Variants in KSR2 observed in about 807,000 individuals in gnomAD.
The protein encoded by KSR2 is kinase suppressor of ras 2.
In KSR2, 25 loss-of-function variants were observed where a neutral mutation model predicts 107.8. That is an observed-to-expected ratio of 0.23 (90% CI 0.17 to 0.32). The LOEUF is 0.32. Among genes scored for constraint, KSR2 ranks in the 10% least tolerant of loss-of-function variants. The pLI is 1.00. For synonymous variants in KSR2, 480 were observed against 507.0 expected (o/e 0.95, Z 0.71); for missense variants, 887 against 1,268.9 (o/e 0.70, Z 4.57).
rs1555262347 is a variant in KSR2 at position 117,968,308 on chromosome 12, G to GGGC, written c.-54_-53insGCC. On this transcript the variant is annotated 5_prime_UTR_variant, in exon 1 of 20. Transcript: ENST00000339824. ...CTCCTCCTCCCAGAGAGAAAAAAGA[G>GGGC]GGGGGGGAGTAGAGGTAGTCTACCC... 7 of 1,453,220 alleles carry GGGC rather than the reference G, an allele frequency of 4.8e-6. No homozygotes were observed. Among genetic ancestry groups the GGGC allele is most frequent in the African/African-American group, 2.9e-5 (2 of 69,188 alleles). The allele number at this position is 1,453,220 out of a possible 1,614,324, so 90.0% of individuals were successfully genotyped here. A position where few individuals can be genotyped will look rare whatever the true frequency, so the allele number is the denominator to read the frequency against.
intron 1 of KSR2, among the ~76,000 whole-genome samples, chr12:117,892,291 C>A (rs1894370974): frequency 6.6e-6 from 1 of 152,172 alleles, no homozygotes; most frequent in Non-Finnish European, 1.5e-5. Flanking sequence ...GCAACAAGAG[C>A]AAGACTCTGT....
chr12:117,810,668 C>T (rs929824655), intron 3 of KSR2, among the ~76,000 whole-genome samples: 1 of 152,120 alleles, frequency 6.6e-6, no homozygotes, highest in Non-Finnish European at 1.5e-5. Flanking sequence ...ATTTCTTAGC[C>T]CTCATCCTAA....
intron 4 of KSR2, among the ~76,000 whole-genome samples, chr12:117,760,132 T>A (rs1888944436): frequency 6.6e-6 from 1 of 152,212 alleles, no homozygotes; most frequent in Non-Finnish European, 1.5e-5. Flanking sequence ...TCTTCCTTTT[T>A]AAGCCTGAAT....
At chr12:117,729,943 A>G (rs1157821823) in intron 4 of KSR2, among the ~76,000 whole-genome samples, 1 of 152,186 alleles carries the variant, frequency 6.6e-6, no homozygotes, top group Non-Finnish European at 1.5e-5. Context: ...TCTGGGTCCA[A>G]GGAACCTAGG....
chr12:117,505,127 C>A (rs1873599806), intron 14 of KSR2, among the ~76,000 whole-genome samples: 1 of 152,116 alleles, frequency 6.6e-6, no homozygotes, highest in Non-Finnish European at 1.5e-5. Context: ...TGTATATATA[C>A]CACATTTTCT....
In KSR2 at chr12:117,637,678, T is replaced by TTTTTTTTTG. The variant is rs1883170311; in HGVS notation, c.1171+29795_1171+29796insCAAAAAAAA. Among the ~76,000 whole-genome samples, 4 of 82,136 alleles carry TTTTTTTTTG rather than the reference T, an allele frequency of 4.9e-5. 1 individual carries two copies. Among genetic ancestry groups the TTTTTTTTTG allele is most frequent in the African/African-American group, 2.2e-4 (4 of 18,150 alleles). The allele number at this position is 82,136 out of a possible 152,430, so 53.9% of individuals were successfully genotyped here. ...GGGACCCAGCAGTCAGTTTTGGGTTTTTTTTTTTTTTTTTTTTTTTTGAGA... is the reference window on the plus strand; with the variant it reads ...GGGACCCAGCAGTCAGTTTTGGGTTTTTTTTTTTGTTTTTTTTTTTTTTTTTTTTTGAGA... On this transcript the variant is annotated intron_variant, in intron 5 of 19. Coordinates refer to ENST00000339824, the MANE Select transcript of KSR2 (RefSeq NM_173598.6).
At chr12:117,587,581 C>T (rs548301503) in intron 5 of KSR2, among the ~76,000 whole-genome samples, 5 of 152,192 alleles carry the variant, frequency 3.3e-5, no homozygotes, top group South Asian at 4.1e-4. Context: ...TGTTTTCAGC[C>T]GCTGAGTTGG....
At chr12:117,615,989 C>A (rs1471333410) in intron 5 of KSR2, among the ~76,000 whole-genome samples, 4 of 151,804 alleles carry the variant, frequency 2.6e-5, no homozygotes, top group African/African-American at 9.7e-5. Flanking sequence ...CCCACCACTA[C>A]AAAAAAACAC....
intron 1 of KSR2, among the ~76,000 whole-genome samples, chr12:117,921,801 C>A (rs1895355687): frequency 6.6e-6 from 1 of 152,138 alleles, no homozygotes; most frequent in Non-Finnish European, 1.5e-5. Context: ...GGCTCACGTA[C>A]CCCTTTTCCA....
intron 1 of KSR2, among the ~76,000 whole-genome samples, chr12:117,869,189 T>C (rs1030159358): frequency 9.9e-5 from 15 of 151,992 alleles, no homozygotes; most frequent in Admixed American, 2.6e-4. Context: ...CTGACCAACA[T>C]GGTGAAATCC....
intron 5 of KSR2, among the ~76,000 whole-genome samples, chr12:117,590,524 C>A (rs183594976): frequency 6.6e-6 from 1 of 152,182 alleles, no homozygotes; most frequent in Non-Finnish European, 1.5e-5. Flanking sequence ...TGGAACAGTG[C>A]TCTGCCAAGT....
At chr12:117,753,889 A>G (rs765744207) in intron 4 of KSR2, among the ~76,000 whole-genome samples, 2 of 151,724 alleles carry the variant, frequency 1.3e-5, no homozygotes, top group East Asian at 1.9e-4. Context: ...TCACATTTCC[A>G]AAGTTGTTTC....
intron 4 of KSR2, among the ~76,000 whole-genome samples, chr12:117,712,487 C>T (rs1473881516): frequency 6.6e-6 from 1 of 152,168 alleles, no homozygotes. Context: ...TGCCCAGATG[C>T]CCACCCAGCA....
chr12:117,868,849 C>G (rs2038078342), intron 1 of KSR2, among the ~76,000 whole-genome samples: 2 of 151,942 alleles, frequency 1.3e-5, no homozygotes, highest in Non-Finnish European at 2.9e-5. Context: ...CTCCAAGGTT[C>G]AAGCGAGTCT....
intron 3 of KSR2, among the ~76,000 whole-genome samples, chr12:117,830,753 G>C (rs912088832): frequency 5.9e-5 from 9 of 152,136 alleles, no homozygotes; most frequent in African/African-American, 1.9e-4. Context: ...AAAGACAGCT[G>C]CAACTTTGAC....
rs186946374 is a variant in KSR2 at position 117,808,748 on chromosome 12, A to G, written c.472+46680T>C. Among the ~76,000 whole-genome samples the G allele has an allele frequency of 1.6e-3, 241 of 152,154 alleles. 1 individual carries two copies. Among genetic ancestry groups the G allele is most frequent in the African/African-American group, 5.4e-3 (226 of 41,522 alleles). ...TGGTGAATTCGTTGCCATCCTTCCA[A>G]TGAAACCTGCTCATTCCCACTCTGG... On this transcript the variant is annotated intron_variant, in intron 3 of 19. Coordinates refer to ENST00000339824, the MANE Select transcript of KSR2 (RefSeq NM_173598.6).
At position 117,520,478 on chromosome 12, in the gene KSR2, C is replaced by T. The variant is rs138698500; in HGVS notation, c.2219+4374G>A. 6.8e-3 allele frequency among the ~76,000 whole-genome samples: 1,041 copies of T among 152,244 alleles called. 7 individuals carry two copies. The highest frequency in any genetic ancestry group is 0.014 in the Middle Eastern group (4 of 294). On this transcript the variant is annotated intron_variant, in intron 14 of 19. Transcript: ENST00000339824. ...CCTTACCCACTGTCAGAACAGCAAC[C>T]CTAATATGGTGATCTTCATAACACA...
intron 14 of KSR2, among the ~76,000 whole-genome samples, chr12:117,499,482 T>C (rs1873246483): frequency 6.6e-6 from 1 of 152,184 alleles, no homozygotes; most frequent in Non-Finnish European, 1.5e-5. Flanking sequence ...CTGTAGACGG[T>C]TTGGAAAACA....
intron 3 of KSR2, among the ~76,000 whole-genome samples, chr12:117,812,563 C>T (rs73402896): frequency 3.7e-4 from 57 of 152,200 alleles, no homozygotes; most frequent in African/African-American, 1.3e-3. Flanking sequence ...TGGTCCTGTA[C>T]TCTCCATTTC....
Sources: gnomAD v4.1 joint callset for allele counts (sites outside exome capture counted in the v4.1 genomes callset) on GRCh38, gnomAD v4.1.1 for gene constraint, MANE v1.5 for transcripts, NCBI Gene and HGNC (gene_info 2026-07-23, HGNC 2026-07-21) for gene names.